The following TCF7L1 variants were observed in gnomAD, a reference collection of about 807,000 sequenced individuals.
TCF7L1 encodes transcription factor 7 like 1, also known as transcription factor 7-like 1.
In TCF7L1, 18 loss-of-function variants were observed where a neutral mutation model predicts 63.7. The ratio of observed to expected loss-of-function variants is 0.28; its 90% CI spans 0.20 to 0.42. The LOEUF (loss-of-function observed/expected upper bound fraction) is 0.42, where lower values mean the gene tolerates loss of function less well. Ranked by LOEUF, TCF7L1 falls within the 10% of genes least tolerant of loss-of-function variation. The probability of loss-of-function intolerance (pLI) is 1.00; values close to 1 mark genes in which losing one functional copy is unlikely to be tolerated. For missense variants in TCF7L1, 654 were observed against 779.3 expected (o/e 0.84, Z 1.91); for synonymous variants, 355 against 340.9 (o/e 1.04, Z -0.46).
chr2:85,155,332 G>A (rs1048047688), intron 3 of TCF7L1, among the ~76,000 whole-genome samples: 2 of 152,236 alleles, frequency 1.3e-5, no homozygotes, highest in African/African-American at 4.8e-5. Context: ...GGCCACCCCA[G>A]CCAGCAGCAG....
At chr2:85,216,703 C>T (rs975074753) in intron 3 of TCF7L1, among the ~76,000 whole-genome samples, 5 of 152,252 alleles carry the variant, frequency 3.3e-5, no homozygotes, top group African/African-American at 7.2e-5. Context: ...TACCGAACAA[C>T]TTCTGTGGCT....
At chr2:85,205,938 A>G (rs1679399235) in intron 3 of TCF7L1, among the ~76,000 whole-genome samples, 1 of 152,222 alleles carries the variant, frequency 6.6e-6, no homozygotes, top group Non-Finnish European at 1.5e-5. Context: ...GGAGATGGAT[A>G]ATTCATTGAT....
chr2:85,203,414 A>G (rs2104280631), intron 3 of TCF7L1, among the ~76,000 whole-genome samples: 1 of 152,276 alleles, frequency 6.6e-6, no homozygotes, highest in East Asian at 1.9e-4. Flanking sequence ...AGCTAAATGG[A>G]AAATGTATAC....
At chr2:85,294,130 G>A (rs371156910) in intron 4 of TCF7L1, among the ~76,000 whole-genome samples, 36 of 139,266 alleles carry the variant, frequency 2.6e-4, no homozygotes, top group Admixed American at 3.2e-4. Context: ...TCCACTTCCC[G>A]GATTCACGCC....
chr2:85,205,535 TTG>T (rs147395869), intron 3 of TCF7L1, among the ~76,000 whole-genome samples: 97 of 111,194 alleles, frequency 8.7e-4, no homozygotes, highest in African/African-American at 9.2e-4. Flanking sequence ...TCAGCCCACA[TTG>T]TTTTTTTTTT....
intron 3 of TCF7L1, among the ~76,000 whole-genome samples, chr2:85,153,231 A>G (rs1574081073): frequency 1.3e-5 from 2 of 152,212 alleles, no homozygotes; most frequent in African/African-American, 4.8e-5. Flanking sequence ...ATAAGGTTGC[A>G]TATAAGCATG....
intron 3 of TCF7L1, among the ~76,000 whole-genome samples, chr2:85,259,070 T>C (rs1242967003): frequency 6.6e-6 from 1 of 152,204 alleles, no homozygotes; most frequent in Non-Finnish European, 1.5e-5. Context: ...ACAGAAGCCC[T>C]GTCCTCCCTA....
intron 3 of TCF7L1, among the ~76,000 whole-genome samples, chr2:85,189,784 G>A (rs745826884): frequency 2.0e-5 from 3 of 152,250 alleles, no homozygotes; most frequent in South Asian, 2.1e-4. Flanking sequence ...CCGAGACCCC[G>A]GCCGCCTGGA....
chr2:85,216,265 T>G (rs547349012), intron 3 of TCF7L1, among the ~76,000 whole-genome samples: 2 of 152,164 alleles, frequency 1.3e-5, no homozygotes, highest in Non-Finnish European at 2.9e-5. Flanking sequence ...GGCAGCTTTT[T>G]TCCCCCCATC....
chr2:85,134,229 G>A lies in TCF7L1; in HGVS notation c.314-94G>A, dbSNP rs1332080948. On this transcript the variant is annotated intron_variant, in intron 2 of 11. Coordinates refer to ENST00000282111, the MANE Select transcript of TCF7L1 (RefSeq NM_031283.3). This position sits in a 1 kb window ranked among gnomAD's most constrained non-coding sequence, Gnocchi z 5.0. ...AGCCCCCGTGGGGCGCGCGTGGGGGGCGCTGGGGTCCCCAGCTCCCGCCTC... is the reference window on the plus strand; with the variant it reads ...AGCCCCCGTGGGGCGCGCGTGGGGGACGCTGGGGTCCCCAGCTCCCGCCTC... 13 of 1,477,912 alleles carry A rather than the reference G, an allele frequency of 8.8e-6. No individual in the cohort carries two copies. In the East Asian group the frequency reaches 2.8e-4, roughly 32 times the overall value. The allele number at this position is 1,477,912 out of a possible 1,614,324, so 91.5% of individuals were successfully genotyped here.
rs1434898604 is a variant in TCF7L1, at chr2:85,134,412, C to T, written c.403C>T (p.Leu135Phe). 4 of 1,565,028 alleles carry T rather than the reference C, an allele frequency of 2.6e-6. No individual in the cohort carries two copies. The highest frequency in any genetic ancestry group is 3.5e-6 in the Non-Finnish European group (4 of 1,154,304). The change falls in exon 3 of 12, where the codon CTC becomes TTC. Residue 135 changes from leucine to phenylalanine, a missense_variant. Transcript: ENST00000282111. This position sits in a 1 kb window ranked among gnomAD's most constrained non-coding sequence, Gnocchi z 5.0. ...LMIPDLSSPY[L>F]SNGPLSPGGA... The stretch of plus-strand genomic sequence containing the variant: ...GATCCCGGACCTGAGCAGCCCGTAC[C>T]TCTCCAACGGACCCCTGTCTCCCGG...
chr2:85,278,343 C>G (rs1282631234), intron 3 of TCF7L1, among the ~76,000 whole-genome samples: 1 of 152,230 alleles, frequency 6.6e-6, no homozygotes, highest in Non-Finnish European at 1.5e-5. Flanking sequence ...GATGGCAACA[C>G]TCGATAAAGA....
intron 3 of TCF7L1, among the ~76,000 whole-genome samples, chr2:85,218,650 A>AGGG (rs1558637241): frequency 1.9e-3 from 284 of 148,918 alleles, no homozygotes; most frequent in African/African-American, 6.4e-3. Flanking sequence ...GGGGGGGGGA[A>AGGG]AACTGGTGAT....
chr2:85,133,840 C>T lies in TCF7L1; in HGVS notation c.156C>T (p.Ser52=), dbSNP rs2104171842. The change falls in exon 1 of 12, where the codon AGC becomes AGT. Residue 52 remains serine, a synonymous_variant. Coordinates refer to ENST00000282111, the MANE Select transcript of TCF7L1 (RefSeq NM_031283.3). The surrounding 1 kb of genome is among the most constrained non-coding windows in gnomAD (Gnocchi z 4.4). ...QDEGGEEQEP[S]SDSASAQRDL... ...AGGGGGGCGAGGAGCAGGAGCCGAG[C>T]AGCGATAGCGCCTCGGCGCAGCGGG... 1 of 1,504,284 alleles carries T rather than the reference C, an allele frequency of 6.6e-7. No homozygotes were observed. The highest frequency in any genetic ancestry group is 8.9e-7 in the Non-Finnish European group (1 of 1,125,950). 93.2% of individuals were successfully genotyped at this position (1,504,284 alleles called of 1,614,324 possible).
chr2:85,188,336 T>A (rs1440821686), intron 3 of TCF7L1, among the ~76,000 whole-genome samples: 2 of 152,228 alleles, frequency 1.3e-5, no homozygotes, highest in Non-Finnish European at 2.9e-5. Context: ...AATCTCAATA[T>A]CCTAGTTTTG....
At chr2:85,293,376 C>G (rs545141105) in intron 4 of TCF7L1, among the ~76,000 whole-genome samples, 1 of 152,160 alleles carries the variant, frequency 6.6e-6, no homozygotes, top group African/African-American at 2.4e-5. Flanking sequence ...GACCTCCCCC[C>G]ACTCTTTCTG....
intron 3 of TCF7L1, among the ~76,000 whole-genome samples, chr2:85,236,433 C>T (rs1332870214): frequency 6.6e-6 from 1 of 152,172 alleles, no homozygotes; most frequent in Non-Finnish European, 1.5e-5. Context: ...TGGTGTGGGT[C>T]AGATCCAGGG....
chr2:85,227,618 C>T (rs1355968665), intron 3 of TCF7L1, among the ~76,000 whole-genome samples: 6 of 152,132 alleles, frequency 3.9e-5, no homozygotes, highest in Non-Finnish European at 8.8e-5. Context: ...ACTCTTCAGT[C>T]TTGTTTCTAC....
At chr2:85,304,040 G>A (rs751283027) in intron 6 of TCF7L1, 43 bp downstream of exon 6, 18 of 1,464,192 alleles carry the variant, frequency 1.2e-5, no homozygotes, top group South Asian at 7.1e-5. Context: ...CCCTCCTTGC[G>A]CTGAGCTCTG....
Sources: gnomAD v4.1 joint callset for allele counts (sites outside exome capture counted in the v4.1 genomes callset) on GRCh38, gnomAD v4.1.1 for gene constraint, Gnocchi (gnomAD v3.1) non-coding constraint, MANE v1.5 for transcripts, NCBI Gene and HGNC (gene_info 2026-07-23, HGNC 2026-07-21) for gene names.